ST7: variants seen among roughly 807,000 people sequenced by gnomAD.
The protein encoded by ST7 is suppressor of tumorigenicity 7 protein.
ST7 carries 28 observed loss-of-function variants against 78.7 expected under a neutral mutation model. The observed-to-expected ratio is 0.36, with a 90% CI of 0.26 to 0.49. ST7 has a LOEUF of 0.49. ST7 is among the 20% of genes least tolerant of loss of function. ST7 has a pLI of 0.99. For synonymous variants in ST7, 247 were observed against 249.6 expected (o/e 0.99, Z 0.10); for missense variants, 418 against 696.0 (o/e 0.60, Z 4.49).
intron 13 of ST7, among the ~76,000 whole-genome samples, chr7:117,218,341 A>C (rs914661502): frequency 6.6e-6 from 1 of 152,156 alleles, no homozygotes. Context: ...TGCTGATGAC[A>C]TTGTAACAGG....
At chr7:117,160,653 G>GTGTATATATATATATATA (rs150222080) in intron 9 of ST7, among the ~76,000 whole-genome samples, 6 of 147,692 alleles carry the variant, frequency 4.1e-5, no homozygotes, top group African/African-American at 1.5e-4. Flanking sequence ...GTGTGTGTGT[G>GTGTATATATATATATATA]TATATATATA....
chr7:117,151,112 C>T (rs527350145), intron 9 of ST7, among the ~76,000 whole-genome samples: 4 of 152,370 alleles, frequency 2.6e-5, no homozygotes, highest in African/African-American at 9.6e-5. Context: ...CAGACTTCCA[C>T]TGTCGCCTGT....
chr7:116,970,709 T>C (rs1793373947), intron 1 of ST7, among the ~76,000 whole-genome samples: 1 of 152,184 alleles, frequency 6.6e-6, no homozygotes, highest in East Asian at 1.9e-4. Flanking sequence ...CATAGCATTG[T>C]GGTTTGGCTT....
intron 1 of ST7, among the ~76,000 whole-genome samples, chr7:117,031,217 A>G (rs1288826611): frequency 5.9e-5 from 9 of 151,932 alleles, no homozygotes; most frequent in Non-Finnish European, 1.2e-4. Flanking sequence ...GGAGAGGTTC[A>G]GAAAAAAAAA....
At chr7:116,963,118 A>G (rs1436332401) in intron 1 of ST7, among the ~76,000 whole-genome samples, 1 of 152,236 alleles carries the variant, frequency 6.6e-6, no homozygotes, top group East Asian at 1.9e-4. Flanking sequence ...ACTATATAAT[A>G]GAATCTTTTT....
intron 1 of ST7, among the ~76,000 whole-genome samples, chr7:117,041,279 AT>A (rs1797211238): frequency 6.6e-6 from 1 of 152,180 alleles, no homozygotes; most frequent in Non-Finnish European, 1.5e-5. Context: ...AAGCAGATTG[AT>A]TGGTTATTCA....
intron 3 of ST7, 134 bp downstream of exon 3, chr7:117,119,854 T>C: frequency 9.7e-7 from 1 of 1,033,372 alleles, no homozygotes; most frequent in Non-Finnish European, 1.4e-6. Context: ...CATTTTCCCA[T>C]GGAGTTGACA....
Position 117,156,776 on chromosome 7 carries a change from A to C in ST7, c.964-14086A>C, listed in dbSNP as rs545125971. On this transcript the variant is annotated intron_variant, in intron 9 of 15. Transcript: ENST00000323984. ...TTACAGAAATGAGAGTGGCCCAAGAAAGATAAGAACAAAAAAGTAGAGAGG... is the reference window on the plus strand; with the variant it reads ...TTACAGAAATGAGAGTGGCCCAAGACAGATAAGAACAAAAAAGTAGAGAGG... 1.3e-3 allele frequency among the ~76,000 whole-genome samples: 193 copies of C among 152,308 alleles called. 1 individual carries two copies. The highest frequency in any genetic ancestry group is 4.5e-3 in the African/African-American group (187 of 41,576).
chr7:117,152,207 A>ATATC (rs1806339681), intron 9 of ST7, among the ~76,000 whole-genome samples: 3 of 108,046 alleles, frequency 2.8e-5, no homozygotes, highest in Admixed American at 1.8e-4. Flanking sequence ...ATATATATAT[A>ATATC]TATATATATA....
At chr7:117,150,930 T>TTA (rs1467402493) in intron 9 of ST7, among the ~76,000 whole-genome samples, 1 of 152,140 alleles carries the variant, frequency 6.6e-6, no homozygotes, top group Non-Finnish European at 1.5e-5. Flanking sequence ...AACCTAGGAG[T>TTA]TATCCTTGAT....
chr7:117,124,729 C>G (rs1375054831), intron 3 of ST7, among the ~76,000 whole-genome samples: 13 of 152,046 alleles, frequency 8.6e-5, no homozygotes, highest in Non-Finnish European at 1.5e-5. Context: ...GTCTTAGTAT[C>G]TTAATCTGCA....
intron 1 of ST7, chr7:116,955,001 G>A (rs565364817): frequency 7.6e-5 from 29 of 380,900 alleles, no homozygotes; most frequent in African/African-American, 1.3e-4. Context: ...TCCCTGGGAG[G>A]CGGATAGGAT....
At chr7:117,218,519 T>G (rs1454471836) in intron 13 of ST7, among the ~76,000 whole-genome samples, 1 of 152,210 alleles carries the variant, frequency 6.6e-6, no homozygotes, top group Non-Finnish European at 1.5e-5. Context: ...TGATAAAAGT[T>G]AAGATTTAAA....
At chr7:117,191,051 A>C in intron 12 of ST7, 115 bp downstream of exon 12, 2 of 798,010 alleles carry the variant, frequency 2.5e-6, no homozygotes, top group Non-Finnish European at 4.2e-6. Flanking sequence ...CAACCAACAA[A>C]TGTTGAGACC....
At chr7:117,145,640 T>G (rs1445402402) in intron 9 of ST7, 1 of 152,182 alleles carries the variant, frequency 6.6e-6, no homozygotes, top group Admixed American at 6.6e-5. Context: ...ATTGTATTTA[T>G]GACCTCATCT....
intron 1 of ST7, among the ~76,000 whole-genome samples, chr7:116,978,268 C>A (rs1585079672): frequency 6.6e-6 from 1 of 152,196 alleles, no homozygotes. Context: ...TCCTGACTTG[C>A]AGGTGTGAAG....
rs577962768 is a variant in ST7, at chr7:117,064,122, A to G, written c.152-35640A>G. ...TAATACGGCATTTTATTCAACAAGA[A>G]AAAGCTACTACCTTTTTCTATTGAA... On this transcript the variant is annotated intron_variant, in intron 1 of 15. Transcript: ENST00000323984. 5.9e-5 allele frequency among the ~76,000 whole-genome samples: 9 copies of G among 152,334 alleles called. No individual in the cohort carries two copies. In the East Asian group the frequency reaches 1.7e-3, roughly 29 times the overall value.
chr7:117,167,310 C>T (rs766852543), intron 9 of ST7, among the ~76,000 whole-genome samples: 6 of 143,540 alleles, frequency 4.2e-5, no homozygotes, highest in Non-Finnish European at 9.0e-5. Context: ...GTTTGCATAA[C>T]ACAGCTTTCA....
intron 2 of ST7, among the ~76,000 whole-genome samples, chr7:117,117,464 A>C (rs1802977944): frequency 6.6e-6 from 1 of 152,228 alleles, no homozygotes; most frequent in Admixed American, 6.5e-5. Context: ...TATAGAAAGC[A>C]GAAAAATGAC....
Sources: allele counts gnomAD v4.1 joint callset (sites outside exome capture counted in the v4.1 genomes callset), GRCh38; gene constraint gnomAD v4.1.1; transcripts MANE v1.5; gene names NCBI Gene and HGNC (gene_info 2026-07-23, HGNC 2026-07-21).